Variants in TENM4 observed in about 807,000 individuals in gnomAD.
TENM4 encodes the protein teneurin transmembrane protein 4, also known as teneurin-4.
Under a neutral mutation model 243.3 loss-of-function variants are expected in TENM4, and 82 were observed. The ratio of observed to expected loss-of-function variants is 0.34; its 90% CI spans 0.28 to 0.40. The LOEUF (loss-of-function observed/expected upper bound fraction) is 0.40. Among genes scored for constraint, TENM4 ranks in the 10% least tolerant of loss-of-function variants. The probability of loss-of-function intolerance (pLI) is 1.00; values close to 1 mark genes in which losing one functional copy is unlikely to be tolerated. For synonymous variants in TENM4, 1,412 were observed against 1,456.3 expected, an observed-to-expected ratio of 0.97 and a Z score of 0.69; for missense variants, 3,138 against 3,673.3, an observed-to-expected ratio of 0.85 and a Z score of 3.77.
intron 2 of TENM4, among the ~76,000 whole-genome samples, chr11:79,249,047 C>T (rs750798455): frequency 3.3e-5 from 5 of 152,216 alleles, no homozygotes; most frequent in Non-Finnish European, 5.9e-5. Flanking sequence ...ATTTGGTCTT[C>T]AATTTTTATT....
chr11:79,075,611 A>G (rs1000178026), intron 4 of TENM4, among the ~76,000 whole-genome samples: 1 of 152,230 alleles, frequency 6.6e-6, no homozygotes, highest in Non-Finnish European at 1.5e-5. Context: ...AAGCTCAAGT[A>G]GCAAATATAT....
chr11:78,973,929 G>C (rs543488523), intron 6 of TENM4, among the ~76,000 whole-genome samples: 4 of 152,112 alleles, frequency 2.6e-5, no homozygotes, highest in African/African-American at 9.6e-5. Flanking sequence ...ACACCCAGGG[G>C]AAGAGCTTTT....
chr11:78,895,002 A>G (rs945741800), intron 7 of TENM4, among the ~76,000 whole-genome samples: 37 of 138,344 alleles, frequency 2.7e-4, no homozygotes, highest in Non-Finnish European at 4.5e-4. Flanking sequence ...AAAAAAAAAA[A>G]AAAAAGAAGA....
intron 1 of TENM4, among the ~76,000 whole-genome samples, chr11:79,316,211 T>C (rs897903711): frequency 6.6e-6 from 1 of 151,134 alleles, no homozygotes; most frequent in African/African-American, 2.4e-5. Flanking sequence ...AAAAAGAGAA[T>C]GAAAGATATA....
chr11:78,784,876 CAT>C (rs1856901994), intron 16 of TENM4, among the ~76,000 whole-genome samples: 1 of 150,846 alleles, frequency 6.6e-6, no homozygotes, highest in Non-Finnish European at 1.5e-5. Context: ...CAACATGAGT[CAT>C]GTGTGACTAG....
At chr11:79,358,108 G>T (rs879388748) in intron 1 of TENM4, among the ~76,000 whole-genome samples, 1 of 152,128 alleles carries the variant, frequency 6.6e-6, no homozygotes, top group Non-Finnish European at 1.5e-5. Context: ...CCTCCTAAAG[G>T]CTTCTGGGCT....
At chr11:79,126,839 C>T (rs1861888605) in intron 4 of TENM4, among the ~76,000 whole-genome samples, 1 of 152,232 alleles carries the variant, frequency 6.6e-6, no homozygotes, top group South Asian at 2.1e-4. Flanking sequence ...CCCATCCTTC[C>T]CCAAGGAGAC....
chr11:78,968,808 G>A (rs1309391023), intron 6 of TENM4, among the ~76,000 whole-genome samples: 7 of 152,196 alleles, frequency 4.6e-5, no homozygotes, highest in African/African-American at 1.7e-4. Flanking sequence ...CTGTTTCCAA[G>A]TGGTGGTGAG....
chr11:79,366,051 A>T (rs1857670281), intron 1 of TENM4, among the ~76,000 whole-genome samples: 1 of 152,236 alleles, frequency 6.6e-6, no homozygotes, highest in Non-Finnish European at 1.5e-5. Flanking sequence ...AGTGGCTATC[A>T]TGCTAGATCC....
intron 4 of TENM4, among the ~76,000 whole-genome samples, chr11:79,138,564 TAAAACATATATTTATATAAATAC>T (rs1862170106): frequency 4.1e-5 from 1 of 24,198 alleles, no homozygotes; most frequent in Non-Finnish European, 8.8e-5. Context: ...TATAAATACA[TAAAACATATATTTATATAAATAC>T]ATAAAACATA....
chr11:79,067,709 A>G (rs1325866535), intron 5 of TENM4, among the ~76,000 whole-genome samples: 2 of 150,964 alleles, frequency 1.3e-5, no homozygotes, highest in Non-Finnish European at 3.0e-5. Context: ...AGCTCCTCTG[A>G]TGTGTGAGTT....
intron 4 of TENM4, among the ~76,000 whole-genome samples, chr11:79,098,495 C>A (rs1428364984): frequency 2.6e-5 from 4 of 152,334 alleles, no homozygotes; most frequent in Non-Finnish European, 5.9e-5. Context: ...GGACACTTAG[C>A]TACCATCTAC....
chr11:78,725,630 A>G (rs1240077727), intron 23 of TENM4, among the ~76,000 whole-genome samples: 1 of 152,208 alleles, frequency 6.6e-6, no homozygotes, highest in African/African-American at 2.4e-5. Context: ...GCACTTTGGC[A>G]CATACTGTAC....
Position 79,045,026 on chromosome 11 carries a change from C to T in TENM4, c.493+19712G>A, listed in dbSNP as rs554131778. 8.5e-5 allele frequency among the ~76,000 whole-genome samples: 13 copies of T among 152,276 alleles called. No homozygotes were observed. In the South Asian group the frequency reaches 1.2e-3, roughly 15 times the overall value. ...TATACATCCAATGTTGTGCAACCCT[C>T]GTGACTACCTGGTTCTAGAACATTT... On this transcript the variant is annotated intron_variant, in intron 6 of 33. Transcript: ENST00000278550.
intron 7 of TENM4, among the ~76,000 whole-genome samples, chr11:78,900,646 G>C (rs1025881975): frequency 1.3e-5 from 2 of 152,164 alleles, no homozygotes. Flanking sequence ...CAACCTCTTT[G>C]AGAGGCACGA....
At chr11:79,259,266 T>C (rs1176065175) in intron 2 of TENM4, among the ~76,000 whole-genome samples, 1 of 152,174 alleles carries the variant, frequency 6.6e-6, no homozygotes, top group Non-Finnish European at 1.5e-5. Context: ...AAAAGTAAAC[T>C]AGTATGAATT....
intron 7 of TENM4, among the ~76,000 whole-genome samples, chr11:78,897,293 A>G (rs144536975): frequency 6.6e-6 from 1 of 152,132 alleles, no homozygotes; most frequent in African/African-American, 2.4e-5. Flanking sequence ...AGTCTACCCC[A>G]GGCTTCTTTT....
chr11:78,936,373 A>G (rs968854699), intron 6 of TENM4, among the ~76,000 whole-genome samples: 4 of 152,198 alleles, frequency 2.6e-5, no homozygotes, highest in Admixed American at 2.6e-4. Context: ...TTTTATTGAA[A>G]GAAAGGCAAA....
At chr11:78,765,380 G>A (rs1856521885) in intron 18 of TENM4, among the ~76,000 whole-genome samples, 1 of 152,148 alleles carries the variant, frequency 6.6e-6, no homozygotes, top group Non-Finnish European at 1.5e-5. Flanking sequence ...CAAATTCTTT[G>A]GCTTTATGTG....
Sources: gnomAD v4.1 joint callset for allele counts (sites outside exome capture counted in the v4.1 genomes callset) on GRCh38, gnomAD v4.1.1 for gene constraint, MANE v1.5 for transcripts, NCBI Gene and HGNC (gene_info 2026-07-23, HGNC 2026-07-21) for gene names.